MCM9: variants seen among roughly 807,000 people sequenced by gnomAD.
MCM9 encodes the protein minichromosome maintenance 9 homologous recombination repair factor.
A neutral mutation model predicts 72.8 loss-of-function variants in MCM9; 55 were observed. The ratio of observed to expected loss-of-function variants is 0.76; its 90% confidence interval spans 0.61 to 0.95. The LOEUF is 0.95. Ranked by LOEUF, MCM9 falls within the 40% of genes least tolerant of loss-of-function variation. The pLI, the probability that MCM9 is intolerant of heterozygous loss-of-function variation, is 0.00. For synonymous variants in MCM9, 480 were observed against 503.4 expected, an observed-to-expected ratio of 0.95 and a Z score of 0.62; for missense variants, 1,279 against 1,377.0, an observed-to-expected ratio of 0.93 and a Z score of 1.13.
intron 8 of MCM9, among the ~76,000 whole-genome samples, chr6:118,867,987 C>T (rs1453100481): frequency 6.6e-6 from 1 of 150,594 alleles, no homozygotes; most frequent in African/African-American, 2.4e-5. Context: ...AGCAATTCTC[C>T]TTCCTCAGCC....
intron 8 of MCM9, among the ~76,000 whole-genome samples, chr6:118,871,889 G>A (rs1226058034): frequency 6.6e-6 from 1 of 152,056 alleles, no homozygotes; most frequent in African/African-American, 2.4e-5. Flanking sequence ...CCTGGCGACA[G>A]AAGGAGACTC....
chr6:118,893,766 C>G (rs2114470798), intron 8 of MCM9, among the ~76,000 whole-genome samples: 1 of 152,142 alleles, frequency 6.6e-6, no homozygotes, highest in East Asian at 1.9e-4. Context: ...AACACCGACT[C>G]TCATCTGCTA....
intron 8 of MCM9, among the ~76,000 whole-genome samples, chr6:118,887,612 G>A (rs759978574): frequency 1.8e-4 from 27 of 151,998 alleles, no homozygotes; most frequent in African/African-American, 1.7e-4. Context: ...CCAACATAAC[G>A]AAAATAGATT....
intron 8 of MCM9, among the ~76,000 whole-genome samples, chr6:118,890,663 C>T (rs1000514713): frequency 2.0e-5 from 3 of 152,126 alleles, no homozygotes; most frequent in East Asian, 3.9e-4. Flanking sequence ...TTATTGAAAT[C>T]ATTATTGTAC....
chr6:118,853,320 T>G (rs1432652208), intron 9 of MCM9, among the ~76,000 whole-genome samples: 1 of 152,266 alleles, frequency 6.6e-6, no homozygotes. Context: ...TACAGCTTTA[T>G]AGCAAATCTT....
rs138326643 is a variant in MCM9 at position 118,861,015 on chromosome 6, C to T, written c.1151-4470G>A. 2.5e-3 allele frequency among the ~76,000 whole-genome samples: 377 copies of T among 152,300 alleles called. 2 individuals carry two copies. The highest frequency in any genetic ancestry group is 8.5e-3 in the African/African-American group (353 of 41,552). ...GGCTGCGCTTGGCTCACACTACTAC[C>T]GGCCCAGATCTCATGTCTGCCAATG... On this transcript the variant is annotated intron_variant, in intron 8 of 13. Transcript: ENST00000619706.
intron 8 of MCM9, among the ~76,000 whole-genome samples, chr6:118,876,895 A>G (rs911586014): frequency 6.6e-6 from 1 of 152,222 alleles, no homozygotes; most frequent in Non-Finnish European, 1.5e-5. Context: ...AGCACATGAA[A>G]ATATGTTCAA....
chr6:118,893,709 C>T (rs545749850), intron 8 of MCM9, among the ~76,000 whole-genome samples: 2 of 152,300 alleles, frequency 1.3e-5, no homozygotes, highest in South Asian at 4.1e-4. Flanking sequence ...TTTCTCTCTA[C>T]TCCAAATACT....
chr6:118,863,986 C>T (rs963085312), intron 8 of MCM9, among the ~76,000 whole-genome samples: 8 of 149,660 alleles, frequency 5.3e-5, no homozygotes, highest in African/African-American at 2.0e-4. Context: ...TCAATTAAGA[C>T]AGAGATTGTC....
At chr6:118,917,826 A>G (rs1353034742) in intron 5 of MCM9, 65 bp from the exon 6 acceptor site, 2 of 1,370,156 alleles carry the variant, frequency 1.5e-6, no homozygotes, top group Non-Finnish European at 2.1e-6. Context: ...ACTCAAAATG[A>G]CAAAGGACCA....
chr6:118,911,480 A>C, intron 8 of MCM9, 170 bp downstream of exon 8: 1 of 1,319,756 alleles, frequency 7.6e-7, no homozygotes, highest in Non-Finnish European at 9.6e-7. Context: ...AGCTTGCAAG[A>C]TATTTTCTTA....
At chr6:118,930,219 T>C (rs1782288688) in intron 3 of MCM9, among the ~76,000 whole-genome samples, 1 of 152,282 alleles carries the variant, frequency 6.6e-6, no homozygotes, top group East Asian at 1.9e-4. Flanking sequence ...CACACCATTC[T>C]CCTGCCTCAG....
chr6:118,853,522 C>A (rs1776360295), intron 9 of MCM9, among the ~76,000 whole-genome samples: 3 of 151,980 alleles, frequency 2.0e-5, no homozygotes, highest in Admixed American at 2.0e-4. Flanking sequence ...TTGCACTGGG[C>A]TGGGCATGGT....
At chr6:118,826,692 AT>A (rs1241664431) in intron 12 of MCM9, 89 bp downstream of exon 12, 1 of 898,402 alleles carries the variant, frequency 1.1e-6, no homozygotes, top group African/African-American at 1.7e-5. Context: ...GAGCATTTTA[AT>A]AACTTTTGAT....
At chr6:118,860,291 T>C (rs1019479486) in intron 8 of MCM9, among the ~76,000 whole-genome samples, 4 of 151,972 alleles carry the variant, frequency 2.6e-5, no homozygotes, top group Admixed American at 2.6e-4. Context: ...AATTCTGAGA[T>C]ACAATAAAAA....
chr6:118,838,139 T>G (rs1367676704), intron 9 of MCM9, among the ~76,000 whole-genome samples: 1 of 151,724 alleles, frequency 6.6e-6, no homozygotes, highest in Non-Finnish European at 1.5e-5. Flanking sequence ...GCCTACATGT[T>G]AAATTTTGGG....
Position 118,815,691 on chromosome 6 carries a change from C to T in MCM9, c.2565G>A (p.Arg855=). 6.5e-7 allele frequency: 1 copy of T among 1,548,532 alleles called. No individual in the cohort carries two copies. Among genetic ancestry groups the T allele is most frequent in the Non-Finnish European group, 8.7e-7 (1 of 1,146,614 alleles). The change falls in exon 14 of 14, where the codon AGG becomes AGA. Residue 855 remains arginine, a synonymous_variant. Transcript: ENST00000619706. ...PRNLQKLCKE[R]AQKLCRNSTR... is the part of the protein sequence containing the mutation. Reference sequence around the variant, plus strand: ...TGCTATTTCTGCACAACTTCTGGGCCCTCTCTTTGCACAGCTTCTGCAGGT... The same window carrying T: ...TGCTATTTCTGCACAACTTCTGGGCTCTCTCTTTGCACAGCTTCTGCAGGT...
chr6:118,856,744 T>C (rs1384286280), intron 8 of MCM9, among the ~76,000 whole-genome samples, 199 bp from the exon 9 acceptor site: 1 of 152,008 alleles, frequency 6.6e-6, no homozygotes, highest in Non-Finnish European at 1.5e-5. Context: ...CTGGGCACAG[T>C]GGTGTGTGCA....
intron 8 of MCM9, among the ~76,000 whole-genome samples, chr6:118,860,485 C>T (rs935954683): frequency 6.6e-6 from 1 of 152,048 alleles, no homozygotes; most frequent in Non-Finnish European, 1.5e-5. Context: ...GTGTAACATA[C>T]ATGTGATGGG....
Sources: gnomAD v4.1 joint callset for allele counts (sites outside exome capture counted in the v4.1 genomes callset) on GRCh38, gnomAD v4.1.1 for gene constraint, MANE v1.5 for transcripts, NCBI Gene and HGNC (gene_info 2026-07-23, HGNC 2026-07-21) for gene names.